The following RHOBTB2 variants were observed in gnomAD, a reference collection of about 807,000 sequenced individuals.
The protein encoded by RHOBTB2 is rho-related BTB domain-containing protein 2.
In RHOBTB2, 39 loss-of-function variants were observed where a neutral mutation model predicts 66.5. The observed-to-expected ratio is 0.59, with a 90% CI of 0.45 to 0.77. The LOEUF is 0.77. Among genes scored for constraint, RHOBTB2 ranks in the 30% least tolerant of loss-of-function variants. RHOBTB2 has a pLI of 0.00. For synonymous variants in RHOBTB2, 390 were observed against 395.0 expected, an observed-to-expected ratio of 0.99 and a Z score of 0.15; for missense variants, 755 against 999.1, an observed-to-expected ratio of 0.76 and a Z score of 3.29.
chr8:23,003,617 T>C (rs1328789973), intron 1 of RHOBTB2, among the ~76,000 whole-genome samples: 1 of 152,160 alleles, frequency 6.6e-6, no homozygotes, highest in Non-Finnish European at 1.5e-5. Flanking sequence ...GTAGGGGAAG[T>C]AGAGGCCCAT....
chr8:22,979,883 G>A, the RHOBTB2 span, among the ~76,000 whole-genome samples: 2 of 150,862 alleles, frequency 1.3e-5, no homozygotes, highest in South Asian at 2.1e-4. Context: ...TCAGCCTCCT[G>A]AGTAGCTGGG....
intron 1 of RHOBTB2, among the ~76,000 whole-genome samples, chr8:23,001,531 G>T (rs1810781530): frequency 6.6e-6 from 1 of 152,174 alleles, no homozygotes. Context: ...GGGCCAGTCT[G>T]TATCTTAAAG....
upstream of RHOBTB2, among the ~76,000 whole-genome samples, chr8:22,996,037 C>T (rs367943846): frequency 5.9e-5 from 9 of 152,284 alleles, no homozygotes; most frequent in East Asian, 9.7e-4. Context: ...TGGGACTGGC[C>T]GGGGAGCCTG....
At chr8:23,010,754 TTC>T (rs1811121850) in intron 7 of RHOBTB2, 66 bp downstream of exon 7, 1 of 1,549,434 alleles carries the variant, frequency 6.5e-7, no homozygotes, top group Non-Finnish European at 8.8e-7. Flanking sequence ...AGGTGCAATG[TTC>T]TCCTCTCACG....
chr8:23,020,096 G>A lies in RHOBTB2; in HGVS notation c.*2627G>A, dbSNP rs1314882572. On this transcript the variant is annotated 3_prime_UTR_variant, in exon 10 of 10. Coordinates refer to ENST00000251822, the MANE Select transcript of RHOBTB2 (RefSeq NM_015178.3). ...CACTCAGAGCTGATTCACAGGAGGA[G>A]GGGAGGTTGGGGGGCGGGAGACAAA... 2 of 370,506 alleles carry A rather than the reference G, an allele frequency of 5.4e-6. No homozygotes were observed. Among genetic ancestry groups the A allele is most frequent in the Non-Finnish European group, 1.1e-5 (2 of 187,908 alleles). The allele number at this position is 370,506 out of a possible 1,614,324, so 23.0% of individuals were successfully genotyped here.
the RHOBTB2 span, among the ~76,000 whole-genome samples, chr8:22,958,802 G>GGAA: frequency 5.7e-5 from 3 of 52,178 alleles, no homozygotes; most frequent in African/African-American, 1.5e-4. Context: ...GCCCCTCTCT[G>GGAA]AAAAAAAAAA....
At chr8:22,975,442 G>A in the RHOBTB2 span, among the ~76,000 whole-genome samples, 1 of 152,208 alleles carries the variant, frequency 6.6e-6, no homozygotes, top group African/African-American at 2.4e-5. Context: ...AGCAGGAAGT[G>A]GAGAGGTGAG....
chr8:23,004,119 C>T lies in RHOBTB2; in HGVS notation c.-10-306C>T, dbSNP rs1052831264. Reference sequence around the variant, plus strand: ...CTGGAGAGGGGACAGGGCAGGGCCTCGGCAAGCTCCACTGGTGATCTCGCG... The same window carrying T: ...CTGGAGAGGGGACAGGGCAGGGCCTTGGCAAGCTCCACTGGTGATCTCGCG... On this transcript the variant is annotated intron_variant, in intron 1 of 9. Transcript: ENST00000251822. The surrounding 1 kb of genome is among the most constrained non-coding windows in gnomAD (Gnocchi z 6.4). 5 of 413,054 alleles carry T rather than the reference C, an allele frequency of 1.2e-5. No homozygotes were observed. Among genetic ancestry groups the T allele is most frequent in the African/African-American group, 4.1e-5 (2 of 48,988 alleles). 25.6% of individuals were successfully genotyped at this position (413,054 alleles called of 1,614,324 possible).
chr8:23,010,298 T>G (rs1375146115), intron 6 of RHOBTB2, among the ~76,000 whole-genome samples: 19 of 152,074 alleles, frequency 1.2e-4, no homozygotes, highest in Non-Finnish European at 2.9e-5. Flanking sequence ...AATAAACACA[T>G]AAATGATAGT....
chr8:22,979,919 A>C, the RHOBTB2 span, among the ~76,000 whole-genome samples: 1 of 151,518 alleles, frequency 6.6e-6, no homozygotes, highest in Non-Finnish European at 1.5e-5. Flanking sequence ...CATCACGCTC[A>C]GCTAATTTTT....
At chr8:22,996,412 A>G (rs573981301), upstream of RHOBTB2, among the ~76,000 whole-genome samples, 3 of 152,100 alleles carry the variant, frequency 2.0e-5, no homozygotes, top group Admixed American at 2.0e-4. Flanking sequence ...GAAGCCAGCA[A>G]TGGGGGGAGT....
At chr8:22,958,150 C>T in the RHOBTB2 span, among the ~76,000 whole-genome samples, 125 of 152,338 alleles carry the variant, frequency 8.2e-4, no homozygotes, top group Non-Finnish European at 1.6e-3. Flanking sequence ...GGAGGCCTGT[C>T]TGTTCAGCAG....
upstream of RHOBTB2, among the ~76,000 whole-genome samples, chr8:22,997,244 G>A (rs980149598): frequency 1.0e-5 from 1 of 97,328 alleles, no homozygotes; most frequent in African/African-American, 3.1e-5. Context: ...GGAGAAGGTG[G>A]GGACTTGGAG....
intron 7 of RHOBTB2, among the ~76,000 whole-genome samples, chr8:23,014,436 C>T (rs1448312304): frequency 1.3e-5 from 2 of 152,162 alleles, no homozygotes; most frequent in African/African-American, 2.4e-5. Context: ...ACGGGACATA[C>T]GTAGTTTGAA....
Position 23,004,440 on chromosome 8 carries a change from T to G in RHOBTB2, c.6T>G (p.Asp2Glu). 1 of 1,614,098 alleles carries G rather than the reference T, an allele frequency of 6.2e-7. No individual in the cohort carries two copies. The highest frequency in any genetic ancestry group is 8.5e-7 in the Non-Finnish European group (1 of 1,179,960). The change falls in exon 2 of 10, where the codon GAT becomes GAG. Residue 2 changes from aspartate (D) to glutamate (E), a missense_variant. Around this residue, in one of 7 missense-constraint regions of RHOBTB2, gnomAD observed 65 missense variants for 152.4 expected, o/e 0.43. Transcript: ENST00000251822. This position sits in a 1 kb window ranked among gnomAD's most constrained non-coding sequence, Gnocchi z 6.4. M[D>E]SDMDYERPNV... ...TCTCCCTCAGGTCCCGTTTAATGGA[T>G]TCTGACATGGATTATGAAAGGCCAA...
chr8:23,007,022 C>T lies in RHOBTB2; in HGVS notation c.777C>T (p.Leu259=), dbSNP rs1810979211. 2 of 1,608,562 alleles carry T rather than the reference C, an allele frequency of 1.2e-6. No homozygotes were observed. The highest frequency in any genetic ancestry group is 1.7e-6 in the Non-Finnish European group (2 of 1,178,692). ...PSSSEECPAH[L]LEDPLCADVI... is the part of the protein sequence containing the mutation. The stretch of plus-strand genomic sequence containing the variant: ...GCAGCGAGGAGTGCCCCGCCCACCT[C>T]CTGGAGGACCCGCTCTGCGCGGACG... The change falls in exon 5 of 10, where the codon CTC becomes CTT. Residue 259 remains leucine, a synonymous_variant. Transcript: ENST00000251822.
chr8:22,964,822 T>G, the RHOBTB2 span, among the ~76,000 whole-genome samples: 2 of 110,418 alleles, frequency 1.8e-5, no homozygotes, highest in Non-Finnish European at 4.3e-5. Flanking sequence ...ATTTATTTAT[T>G]TATTTATTTA....
At chr8:22,977,417 A>C in the RHOBTB2 span, among the ~76,000 whole-genome samples, 2 of 152,034 alleles carry the variant, frequency 1.3e-5, no homozygotes, top group Non-Finnish European at 2.9e-5. Flanking sequence ...CCGTCTCTAC[A>C]AAACATTAGC....
chr8:22,955,821 T>C, the RHOBTB2 span, among the ~76,000 whole-genome samples: 2 of 152,142 alleles, frequency 1.3e-5, no homozygotes, highest in Non-Finnish European at 2.9e-5. Flanking sequence ...CCTCCTACCT[T>C]GGCCTCCTAA....
Sources: allele counts gnomAD v4.1 joint callset (sites outside exome capture counted in the v4.1 genomes callset), GRCh38; gene constraint gnomAD v4.1.1; regional missense constraint gnomAD v4.1.1; non-coding constraint Gnocchi (gnomAD v3.1); transcripts MANE v1.5; gene names NCBI Gene and HGNC (gene_info 2026-07-23, HGNC 2026-07-21).